The following KDM4C variants were observed in gnomAD, a reference collection of about 807,000 sequenced individuals.
KDM4C encodes the protein lysine-specific demethylase 4C.
A neutral mutation model predicts 129.3 loss-of-function variants in KDM4C; 81 were observed. The observed-to-expected ratio is 0.63, with a 90% CI of 0.52 to 0.75. The LOEUF (loss-of-function observed/expected upper bound fraction) is 0.75, where lower values mean the gene tolerates loss of function less well. KDM4C is among the 30% of genes least tolerant of loss of function. The pLI is 0.00. For missense variants in KDM4C, 1,457 were observed against 1,304.0 expected, an observed-to-expected ratio of 1.12 and a Z score of -1.81; for synonymous variants, 573 against 456.1, an observed-to-expected ratio of 1.26 and a Z score of -3.26.
In KDM4C at chr9:6,799,552, G is replaced by A. The variant is rs552819369; in HGVS notation, c.145-6047G>A. 3.9e-5 allele frequency among the ~76,000 whole-genome samples: 5 copies of A among 128,006 alleles called. No individual in the cohort carries two copies. The East Asian group carries it at 5.8e-4, about 15-fold the overall frequency. 84.0% of individuals were successfully genotyped at this position (128,006 alleles called of 152,430 possible). The stretch of plus-strand genomic sequence containing the variant: ...TTCGGCTTGGCATGAGAGGGAGACC[G>A]TGGAAAGGGGAGACAGGAGAGGGAT... On this transcript the variant is annotated intron_variant, in intron 2 of 21. Transcript: ENST00000381309.
At chr9:7,083,046 G>A (rs1487972292) in intron 17 of KDM4C, among the ~76,000 whole-genome samples, 7 of 152,156 alleles carry the variant, frequency 4.6e-5, no homozygotes, top group Non-Finnish European at 7.3e-5. Context: ...TATCGAATAA[G>A]TAGAGTTCTC....
At chr9:6,813,275 A>T (rs1305356621) in intron 3 of KDM4C, among the ~76,000 whole-genome samples, 1 of 152,174 alleles carries the variant, frequency 6.6e-6, no homozygotes, top group Non-Finnish European at 1.5e-5. Flanking sequence ...AGCTCAAATG[A>T]TCTTCCTGCT....
At chr9:6,912,591 C>G (rs1037190205) in intron 8 of KDM4C, among the ~76,000 whole-genome samples, 1 of 152,132 alleles carries the variant, frequency 6.6e-6, no homozygotes, top group Admixed American at 6.5e-5. Context: ...ACAAATTGTT[C>G]ATTGTTCTAT....
intron 6 of KDM4C, among the ~76,000 whole-genome samples, chr9:6,886,822 G>A (rs1312347639): frequency 1.3e-5 from 2 of 152,020 alleles, no homozygotes; most frequent in African/African-American, 4.8e-5. Flanking sequence ...GGGTTTTGCT[G>A]TGTTAGGCTT....
chr9:7,137,180 C>T (rs1332097469), intron 19 of KDM4C, among the ~76,000 whole-genome samples: 4 of 152,112 alleles, frequency 2.6e-5, no homozygotes, highest in Admixed American at 6.5e-5. Flanking sequence ...AGGGCATTGG[C>T]GCACCTGCTG....
intron 17 of KDM4C, among the ~76,000 whole-genome samples, chr9:7,073,198 T>C (rs1833448189): frequency 6.6e-6 from 1 of 152,198 alleles, no homozygotes; most frequent in African/African-American, 2.4e-5. Context: ...TTTAGAATGT[T>C]CCGATCTAAC....
intron 4 of KDM4C, among the ~76,000 whole-genome samples, chr9:6,840,627 C>A (rs985783554): frequency 4.6e-5 from 7 of 152,122 alleles, no homozygotes; most frequent in South Asian, 2.1e-4. Flanking sequence ...AAACTTCTGA[C>A]CTTGTGATCC....
intron 19 of KDM4C, among the ~76,000 whole-genome samples, chr9:7,159,390 A>G (rs1017380043): frequency 2.0e-5 from 3 of 152,036 alleles, no homozygotes; most frequent in African/African-American, 7.3e-5. Flanking sequence ...TTAGCTGGTT[A>G]TTTTGCCTGT....
At chr9:6,939,063 G>A (rs554564547) in intron 8 of KDM4C, among the ~76,000 whole-genome samples, 2 of 151,698 alleles carry the variant, frequency 1.3e-5, no homozygotes, top group South Asian at 4.2e-4. Context: ...ATCTCCTGCT[G>A]TGTGGCCCAG....
chr9:6,836,874 T>A (rs114914884), intron 4 of KDM4C, among the ~76,000 whole-genome samples: 5,174 of 152,204 alleles, frequency 0.034, 247 homozygotes, highest in African/African-American at 0.11. Context: ...TCTTTTTTTT[T>A]AAAAATAAAT....
chr9:6,781,912 C>T (rs1394676578), intron 1 of KDM4C, among the ~76,000 whole-genome samples: 1 of 151,794 alleles, frequency 6.6e-6, no homozygotes, highest in African/African-American at 2.4e-5. Flanking sequence ...GCAGTCTCAG[C>T]CTCCTGGGTT....
At chr9:6,956,060 A>T (rs1829008279) in intron 8 of KDM4C, among the ~76,000 whole-genome samples, 1 of 152,168 alleles carries the variant, frequency 6.6e-6, no homozygotes, top group African/African-American at 2.4e-5. Flanking sequence ...AAAAGAATTG[A>T]ACTCATGGAC....
intron 5 of KDM4C, among the ~76,000 whole-genome samples, chr9:6,874,384 A>G (rs1340031218): frequency 6.6e-6 from 1 of 152,186 alleles, no homozygotes; most frequent in Admixed American, 6.5e-5. Flanking sequence ...GGGTTTTTTT[A>G]AAGGGCTTTT....
chr9:7,021,035 A>G (rs564315367), intron 15 of KDM4C, among the ~76,000 whole-genome samples: 2 of 151,272 alleles, frequency 1.3e-5, no homozygotes, highest in South Asian at 4.2e-4. Flanking sequence ...CATGTGTTCA[A>G]TTAGTTTTTT....
intron 12 of KDM4C, among the ~76,000 whole-genome samples, chr9:6,994,350 C>G (rs993556048): frequency 1.3e-5 from 2 of 152,150 alleles, no homozygotes; most frequent in Non-Finnish European, 2.9e-5. Flanking sequence ...TTTGCCCAGG[C>G]TGTTACATTA....
chr9:7,026,130 G>A (rs888361729), intron 15 of KDM4C, among the ~76,000 whole-genome samples: 27 of 151,750 alleles, frequency 1.8e-4, no homozygotes, highest in African/African-American at 5.8e-4. Context: ...GCTTGAACCC[G>A]GGAGACGAAG....
chr9:6,721,681 C>T lies in KDM4C; in HGVS notation c.49+684C>T, dbSNP rs549157413. On this transcript the variant is annotated intron_variant, in intron 1 of 17. Transcript: ENST00000536108. Reference sequence around the variant, plus strand: ...TCGGCTCACTGCAACCTCCGCCTCCCGGGTTCAAGCAATTCTCCTGCCTCA... The same window carrying T: ...TCGGCTCACTGCAACCTCCGCCTCCTGGGTTCAAGCAATTCTCCTGCCTCA... Among the ~76,000 whole-genome samples the T allele has an allele frequency of 3.3e-5, 5 of 151,504 alleles. No individual in the cohort carries two copies. In the South Asian group the frequency reaches 6.3e-4, roughly 19 times the overall value.
intron 15 of KDM4C, among the ~76,000 whole-genome samples, chr9:7,033,653 A>AC (rs1027549786): frequency 4.0e-5 from 6 of 151,700 alleles, no homozygotes; most frequent in African/African-American, 1.5e-4. Context: ...GCTCAATAAC[A>AC]CCCCCCACCT....
chr9:7,111,199 A>T (rs1239383758), intron 18 of KDM4C, among the ~76,000 whole-genome samples: 2 of 152,124 alleles, frequency 1.3e-5, no homozygotes, highest in Non-Finnish European at 2.9e-5. Flanking sequence ...TCAGATATTA[A>T]CTTATTTAAT....
Sources: gnomAD v4.1 joint callset for allele counts (sites outside exome capture counted in the v4.1 genomes callset) on GRCh38, gnomAD v4.1.1 for gene constraint, MANE v1.5 for transcripts, NCBI Gene and HGNC (gene_info 2026-07-23, HGNC 2026-07-21) for gene names.